Variants in MOBP observed in about 807,000 individuals in gnomAD.
The protein encoded by MOBP is myelin-associated oligodendrocyte basic protein.
A neutral mutation model predicts 15.0 loss-of-function variants in MOBP; 5 were observed. The ratio of observed to expected loss-of-function variants is 0.33; its 90% CI spans 0.17 to 0.70. The LOEUF (loss-of-function observed/expected upper bound fraction) is 0.70, where lower values mean the gene tolerates loss of function less well. Among genes scored for constraint, MOBP ranks in the 30% least tolerant of loss-of-function variants. The pLI is 0.67. For synonymous variants in MOBP, 88 were observed against 99.0 expected (o/e 0.89, Z 0.66); for missense variants, 188 against 257.8 (o/e 0.73, Z 1.85).
At chr3:39,477,249 C>T (rs915539536) in intron 1 of MOBP, among the ~76,000 whole-genome samples, 1 of 152,084 alleles carries the variant, frequency 6.6e-6, no homozygotes. Context: ...TTTCACCCTG[C>T]AGTTGTGCAA....
rs2042413503 is a variant in MOBP, at chr3:39,469,071, T to TATGTGTGTGTGTATATACATATATAC, written c.-89+1334_-89+1359dup. ...ATGTGTGTGTATATACATATATACATATGTGTGTGTGTATATACATATATA... is the reference window on the plus strand; with the variant it reads ...ATGTGTGTGTATATACATATATACATATGTGTGTGTGTATATACATATATACATGTGTGTGTGTATATACATATATA... On this transcript the variant is annotated intron_variant, in intron 1 of 3. Coordinates refer to ENST00000684792, the MANE Select transcript of MOBP (RefSeq NM_001393704.1). Among the ~76,000 whole-genome samples, 2 of 56,848 alleles carry TATGTGTGTGTGTATATACATATATAC rather than the reference T, an allele frequency of 3.5e-5. 1 individual carries two copies. The highest frequency in any genetic ancestry group is 6.5e-5 in the Non-Finnish European group (2 of 30,646). The allele number at this position is 56,848 out of a possible 152,430, so 37.3% of individuals were successfully genotyped here.
At chr3:39,522,894 G>A (rs2043287259) in intron 3 of MOBP, among the ~76,000 whole-genome samples, 1 of 152,184 alleles carries the variant, frequency 6.6e-6, no homozygotes, top group Non-Finnish European at 1.5e-5. Context: ...GGGAAATAAA[G>A]CACTTGAAGG....
chr3:39,484,138 C>T (rs2042666673), intron 2 of MOBP, among the ~76,000 whole-genome samples: 1 of 152,156 alleles, frequency 6.6e-6, no homozygotes, highest in South Asian at 2.1e-4. Context: ...AGGGACAAAT[C>T]TTTTTGGGGG....
chr3:39,477,930 T>C (rs539220428), intron 1 of MOBP, among the ~76,000 whole-genome samples: 1 of 152,208 alleles, frequency 6.6e-6, no homozygotes, highest in East Asian at 1.9e-4. Flanking sequence ...AGCTATATAA[T>C]GGGTTTTAAG....
rs1247279758 is a variant in MOBP at position 39,503,006 on chromosome 3, A to T, written c.*126A>T. ...CCAACCTGTGTAATCAGCTCCCTCCATTAAATCCCCTCTGTTTGAAATACC... is the reference window on the plus strand; with the variant it reads ...CCAACCTGTGTAATCAGCTCCCTCCTTTAAATCCCCTCTGTTTGAAATACC... On this transcript the variant is annotated 3_prime_UTR_variant, in exon 4 of 4. Transcript: ENST00000684792. The T allele has an allele frequency of 1.6e-5, 9 of 572,398 alleles. No homozygotes were observed. Among genetic ancestry groups the T allele is most frequent in the Non-Finnish European group, 3.0e-6 (1 of 327,878 alleles). 35.5% of individuals were successfully genotyped at this position (572,398 alleles called of 1,614,324 possible).
At chr3:39,477,835 A>G (rs1028092453) in intron 1 of MOBP, among the ~76,000 whole-genome samples, 4 of 151,976 alleles carry the variant, frequency 2.6e-5, no homozygotes, top group Non-Finnish European at 5.9e-5. Flanking sequence ...TTTTAAGAAA[A>G]AAGTTTAAAA....
At chr3:39,488,593 G>A (rs560938501) in intron 2 of MOBP, among the ~76,000 whole-genome samples, 90 of 152,268 alleles carry the variant, frequency 5.9e-4, no homozygotes, top group African/African-American at 2.0e-3. Context: ...GGCTTAACCT[G>A]TGTGGAACAT....
downstream of MOBP, among the ~76,000 whole-genome samples, chr3:39,505,107 C>T (rs1708110): frequency 0.92 from 139,657 of 152,256 alleles, 64,697 homozygotes; most frequent in Middle Eastern, 0.98. Flanking sequence ...TTCTGTCCTC[C>T]CAGTTCTAAG....
intron 1 of MOBP, among the ~76,000 whole-genome samples, chr3:39,476,059 C>T (rs1217119598): frequency 6.6e-6 from 1 of 152,150 alleles, no homozygotes; most frequent in Non-Finnish European, 1.5e-5. Flanking sequence ...CTGGAGAGGC[C>T]TCAGGAAGCT....
In MOBP at chr3:39,502,845, G is replaced by T. The variant is rs768524888; in HGVS notation, c.517G>T (p.Gly173Trp). The T allele has an allele frequency of 3.3e-5, 49 of 1,480,316 alleles. No individual in the cohort carries two copies. The highest frequency in any genetic ancestry group is 4.0e-5 in the Non-Finnish European group (44 of 1,105,052). 91.7% of individuals were successfully genotyped at this position (1,480,316 alleles called of 1,614,324 possible). The change falls in exon 4 of 4, where the codon GGG becomes TGG. Residue 173 changes from glycine to tryptophan, a missense_variant. Physicochemically the swap from Gly to Trp is radical, Grantham distance 184. Coordinates refer to ENST00000684792, the MANE Select transcript of MOBP (RefSeq NM_001393704.1). This position sits in a 1 kb window ranked among gnomAD's most constrained non-coding sequence, Gnocchi z 6.3. ...CCTCAGAGGGCCAGGCGCCAGCCGTGGGGGGTCCCCCGTCAAAGCTTCTAG... is the reference window on the plus strand; with the variant it reads ...CCTCAGAGGGCCAGGCGCCAGCCGTTGGGGGTCCCCCGTCAAAGCTTCTAG... ...SPLRGPGASR[G>W]GSPVKASRFW
rs1233300641 is a variant in MOBP, at chr3:39,468,785, CAT to C, written c.-89+1046_-89+1047del. 1.8e-4 allele frequency among the ~76,000 whole-genome samples: 9 copies of C among 50,802 alleles called. 2 individuals are homozygous for C. The East Asian group carries it at 2.5e-3, about 14-fold the overall frequency. 33.3% of individuals were successfully genotyped at this position (50,802 alleles called of 152,430 possible). A position where few individuals can be genotyped will look rare whatever the true frequency, so the allele number is the denominator to read the frequency against. On this transcript the variant is annotated intron_variant, in intron 1 of 3. Transcript: ENST00000684792. The stretch of plus-strand genomic sequence containing the variant: ...ATGTGTGTGTATATATACATATATA[CAT>C]GTGTGTGTATATATACATATGTGTG...
At chr3:39,506,183 G>A (rs978176779), downstream of MOBP, among the ~76,000 whole-genome samples, 3 of 151,876 alleles carry the variant, frequency 2.0e-5, no homozygotes, top group Non-Finnish European at 4.4e-5. Context: ...GACGTGTTTT[G>A]CTCTCTCATA....
chr3:39,472,575 T>C (rs1024688004), intron 1 of MOBP, among the ~76,000 whole-genome samples: 2 of 152,196 alleles, frequency 1.3e-5, no homozygotes, highest in Non-Finnish European at 2.9e-5. Flanking sequence ...GATATTCCCA[T>C]GATGGACCAT....
chr3:39,468,854 TG>T (rs1285819672), intron 1 of MOBP, among the ~76,000 whole-genome samples: 1 of 118,226 alleles, frequency 8.5e-6, no homozygotes, highest in Admixed American at 7.9e-5. Context: ...CATATATACA[TG>T]AGTGTGTATA....
At chr3:39,489,691 G>C (rs56091481) in intron 2 of MOBP, among the ~76,000 whole-genome samples, 29,005 of 148,782 alleles carry the variant, frequency 0.19, 3,372 homozygotes, top group African/African-American at 0.33. Context: ...ATTGTTCCCC[G>C]CCCAGCTCCT....
At chr3:39,477,740 G>T (rs1050610201) in intron 1 of MOBP, among the ~76,000 whole-genome samples, 1 of 151,818 alleles carries the variant, frequency 6.6e-6, no homozygotes, top group African/African-American at 2.4e-5. Context: ...CTTCCAGTGG[G>T]ATGAGAGGTG....
At chr3:39,517,283 T>C (rs1013351529), downstream of MOBP, among the ~76,000 whole-genome samples, 5 of 152,152 alleles carry the variant, frequency 3.3e-5, no homozygotes, top group African/African-American at 9.7e-5. Flanking sequence ...ACAGGATGCT[T>C]TGTGTTTGTA....
chr3:39,527,434 CTTTTCCTTTTTTTTTT>C (rs1390069185), downstream of MOBP: 2 of 143,568 alleles, frequency 1.4e-5, no homozygotes, highest in Non-Finnish European at 3.0e-5. Flanking sequence ...TCCTTTTTTT[CTTTTCCTTTTTTTTTT>C]TTTTTTGAGA....
rs1411670663 is a variant in MOBP, at chr3:39,468,908, TA to T, written c.-89+1169del. Among the ~76,000 whole-genome samples the T allele has an allele frequency of 1.9e-4, 22 of 114,448 alleles. 8 individuals carry two copies. Among genetic ancestry groups the T allele is most frequent in the African/African-American group, 9.3e-4 (19 of 20,468 alleles). The allele number at this position is 114,448 out of a possible 152,430, so 75.1% of individuals were successfully genotyped here. Reference sequence around the variant, plus strand: ...GTGTGTGTATATATACATATATACATATGAGTGTGTATATATACATATATAC... The same window carrying T: ...GTGTGTGTATATATACATATATACATTGAGTGTGTATATATACATATATAC... On this transcript the variant is annotated intron_variant, in intron 1 of 3. Transcript: ENST00000684792.
Sources: gnomAD v4.1 joint callset for allele counts (sites outside exome capture counted in the v4.1 genomes callset) on GRCh38, gnomAD v4.1.1 for gene constraint, Gnocchi (gnomAD v3.1) non-coding constraint, MANE v1.5 for transcripts, NCBI Gene and HGNC (gene_info 2026-07-23, HGNC 2026-07-21) for gene names.